The following CDKN2B-AS1 variants were observed in gnomAD, a reference collection of about 807,000 sequenced individuals.
CDKN2B-AS1 encodes CDKN2B antisense RNA 1 (non-protein coding).
In CDKN2B-AS1 at chr9:22,116,895, A is replaced by G. The variant is rs539532570; in HGVS notation, n.439-10208A>G. Among the ~76,000 whole-genome samples, 3 of 152,374 alleles carry G rather than the reference A, an allele frequency of 2.0e-5. No homozygotes were observed. In the South Asian group the frequency reaches 6.2e-4, roughly 32 times the overall value. On this transcript the variant is annotated intron_variant and non_coding_transcript_variant, in intron 4 of 4. Transcript: ENST00000650946. ...CTTCCTGAATAACTTGGCTAAAAGGAATATTATGACTACAGATGTACATGA... is the reference window on the plus strand; with the variant it reads ...CTTCCTGAATAACTTGGCTAAAAGGGATATTATGACTACAGATGTACATGA...
chr9:22,063,423 T>G (rs957590674), intron 4 of CDKN2B-AS1, among the ~76,000 whole-genome samples: 5 of 152,146 alleles, frequency 3.3e-5, no homozygotes, highest in Non-Finnish European at 7.4e-5. Context: ...AATAGAAATA[T>G]AGAGGTTTAA....
intron 1 of CDKN2B-AS1, among the ~76,000 whole-genome samples, chr9:22,033,301 C>G (rs1164964926): frequency 1.3e-5 from 2 of 152,178 alleles, no homozygotes; most frequent in African/African-American, 2.4e-5. Context: ...TTTACATGCA[C>G]AAGTAGCTAA....
chr9:22,065,003 C>G (rs10811647), intron 4 of CDKN2B-AS1, among the ~76,000 whole-genome samples: 55,405 of 151,952 alleles, frequency 0.36, 11,166 homozygotes, highest in Middle Eastern at 0.54. Flanking sequence ...ATGTATTTCT[C>G]TTTGTACTCT....
intron 4 of CDKN2B-AS1, among the ~76,000 whole-genome samples, chr9:22,114,901 A>G (rs1825906405): frequency 6.6e-6 from 1 of 152,218 alleles, no homozygotes; most frequent in South Asian, 2.1e-4. Flanking sequence ...CTGACTAAAT[A>G]CTTTCATTTA....
intron 1 of CDKN2B-AS1, among the ~76,000 whole-genome samples, chr9:22,021,745 A>C (rs913135326): frequency 1.3e-5 from 2 of 152,158 alleles, no homozygotes; most frequent in Non-Finnish European, 2.9e-5. Flanking sequence ...AAAGAAAGAT[A>C]GTTTGACTTC....
chr9:22,071,567 C>CCACTAATT (rs1367389998), intron 4 of CDKN2B-AS1, among the ~76,000 whole-genome samples: 2 of 151,996 alleles, frequency 1.3e-5, no homozygotes, highest in African/African-American at 4.8e-5. Context: ...TTCACTTTTG[C>CCACTAATT]CACTAATTAT....
At chr9:22,101,791 A>T (rs534148455) in intron 4 of CDKN2B-AS1, among the ~76,000 whole-genome samples, 4 of 152,052 alleles carry the variant, frequency 2.6e-5, no homozygotes, top group Non-Finnish European at 5.9e-5. Flanking sequence ...AGGCTGATAC[A>T]CTATCTCAGG....
At chr9:22,003,869 TG>T (rs1287419956) in intron 1 of CDKN2B-AS1, 1 of 232,356 alleles carries the variant, frequency 4.3e-6, no homozygotes, top group Non-Finnish European at 8.5e-6. Flanking sequence ...GAGATCATTG[TG>T]TATTTCTGCT....
chr9:22,056,250 A>C (rs1008768883), intron 3 of CDKN2B-AS1: 26 of 110,740 alleles, frequency 2.3e-4, no homozygotes, highest in Non-Finnish European at 4.3e-4. Context: ...TTTTTTTTCC[A>C]GTAGAGACGG....
chr9:22,104,959 T>C (rs1463342606), intron 4 of CDKN2B-AS1, among the ~76,000 whole-genome samples: 1 of 152,152 alleles, frequency 6.6e-6, no homozygotes, highest in Non-Finnish European at 1.5e-5. Context: ...ATAATTACTC[T>C]CTTTAGGAGG....
Position 22,011,560 on chromosome 9 carries a change from A to G in CDKN2B-AS1, n.29+16399A>G, listed in dbSNP as rs561687183. On this transcript the variant is annotated intron_variant and non_coding_transcript_variant, in intron 1 of 4. Transcript: ENST00000650946. ...CGACTTCAGAGTCTTTTTACCCTTT[A>G]TACTACATAGTGTTTTTTTTAGCAG... Among the ~76,000 whole-genome samples the G allele has an allele frequency of 5.9e-5, 9 of 152,304 alleles. No individual in the cohort carries two copies. In the East Asian group the frequency reaches 1.7e-3, roughly 29 times the overall value.
At chr9:22,013,312 T>A (rs974320122) in intron 1 of CDKN2B-AS1, among the ~76,000 whole-genome samples, 1 of 152,230 alleles carries the variant, frequency 6.6e-6, no homozygotes, top group Admixed American at 6.5e-5. Context: ...AACAACAGCA[T>A]CTTAATTTTT....
chr9:22,029,238 G>A (rs903393401), intron 1 of CDKN2B-AS1, among the ~76,000 whole-genome samples: 2 of 152,128 alleles, frequency 1.3e-5, no homozygotes, highest in Admixed American at 6.5e-5. Context: ...ATATCACTCC[G>A]TAGATTTATT....
At chr9:22,061,773 A>T (rs1397337885) in intron 4 of CDKN2B-AS1, among the ~76,000 whole-genome samples, 1 of 152,104 alleles carries the variant, frequency 6.6e-6, no homozygotes, top group African/African-American at 2.4e-5. Flanking sequence ...TTTCTTCTTT[A>T]CAAAAGGGGG....
intron 1 of CDKN2B-AS1, among the ~76,000 whole-genome samples, chr9:22,031,526 C>T (rs1822469492): frequency 6.6e-6 from 1 of 152,040 alleles, no homozygotes; most frequent in Admixed American, 6.6e-5. Flanking sequence ...AGTGCTCTTA[C>T]TGTAATTGAT....
intron 4 of CDKN2B-AS1, among the ~76,000 whole-genome samples, chr9:22,103,358 C>T (rs1825556210): frequency 6.6e-6 from 1 of 152,040 alleles, no homozygotes; most frequent in Admixed American, 6.6e-5. Context: ...ATTGAGAAGT[C>T]CAGCCAGGAG....
rs372272226 is a variant in CDKN2B-AS1, at chr9:22,091,938, A to G, written n.439-35165A>G. 3.2e-4 allele frequency among the ~76,000 whole-genome samples: 49 copies of G among 152,314 alleles called. No individual in the cohort carries two copies. The South Asian group carries it at 9.7e-3, about 30-fold the overall frequency. On this transcript the variant is annotated intron_variant and non_coding_transcript_variant, in intron 4 of 4. Coordinates refer to ENST00000650946, the Ensembl canonical transcript of CDKN2B-AS1. ...GAATGCTTCCAGGTTTTGCCCATTC[A>G]GTATGATATTGGCTGTGGTTTTGTT...
At chr9:22,112,213 G>A (rs899601551) in intron 4 of CDKN2B-AS1, 1 of 152,164 alleles carries the variant, frequency 6.6e-6, no homozygotes, top group Non-Finnish European at 1.5e-5. Flanking sequence ...GCATAGAGCT[G>A]GACTCTAGAA....
At chr9:22,049,578 G>A (rs563721725) in intron 3 of CDKN2B-AS1, among the ~76,000 whole-genome samples, 2 of 152,226 alleles carry the variant, frequency 1.3e-5, no homozygotes, top group Non-Finnish European at 2.9e-5. Flanking sequence ...CAGGGCACAT[G>A]GGCCAACTTT....
Sources: allele counts gnomAD v4.1 joint callset (sites outside exome capture counted in the v4.1 genomes callset), GRCh38; gene constraint gnomAD v4.1.1; transcripts MANE v1.5; gene names NCBI Gene and HGNC (gene_info 2026-07-23, HGNC 2026-07-21).